Variants in DCC observed in about 807,000 individuals in gnomAD.
DCC encodes netrin receptor DCC.
Under a neutral mutation model 172.5 loss-of-function variants are expected in DCC, and 58 were observed. The observed-to-expected ratio is 0.34, with a 90% CI of 0.27 to 0.42. DCC has a LOEUF of 0.42. DCC is among the 10% of genes least tolerant of loss of function. The pLI, the probability that DCC is intolerant of heterozygous loss-of-function variation, is 1.00. For synonymous variants in DCC, 709 were observed against 644.5 expected (o/e 1.10, Z -1.52); for missense variants, 1,740 against 1,791.0 (o/e 0.97, Z 0.51).
chr18:52,345,156 T>C (rs1386408510), intron 1 of DCC, among the ~76,000 whole-genome samples: 1 of 152,238 alleles, frequency 6.6e-6, no homozygotes, highest in African/African-American at 2.4e-5. Context: ...GATGATAATC[T>C]CTTAGATGAA....
At chr18:53,167,945 G>C (rs1469554282) in intron 8 of DCC, among the ~76,000 whole-genome samples, 1 of 152,078 alleles carries the variant, frequency 6.6e-6, no homozygotes, top group African/African-American at 2.4e-5. Context: ...TGTGAGTCAG[G>C]AGAAGGTAAC....
chr18:52,968,456 A>C (rs561317840), intron 5 of DCC, among the ~76,000 whole-genome samples: 105 of 152,244 alleles, frequency 6.9e-4, no homozygotes, highest in African/African-American at 2.4e-3. Flanking sequence ...TCCCTTATTC[A>C]GCATCCCACC....
At chr18:52,857,253 G>C (rs567099666) in intron 2 of DCC, among the ~76,000 whole-genome samples, 462 of 152,348 alleles carry the variant, frequency 3.0e-3, no homozygotes, top group African/African-American at 0.011. Context: ...CTGCAGACAT[G>C]TTTGGGTAAC....
chr18:52,957,103 G>A (rs1943709445), intron 5 of DCC, among the ~76,000 whole-genome samples: 1 of 152,054 alleles, frequency 6.6e-6, no homozygotes, highest in South Asian at 2.1e-4. Context: ...ACAATCAAAT[G>A]GTGAAGATAT....
chr18:52,415,072 CTT>C (rs1986972620), intron 1 of DCC, among the ~76,000 whole-genome samples: 1 of 152,198 alleles, frequency 6.6e-6, no homozygotes, highest in African/African-American at 2.4e-5. Context: ...CTTTGTATGA[CTT>C]TGCCAGAATG....
At chr18:53,508,041 T>C (rs1456618117) in intron 27 of DCC, among the ~76,000 whole-genome samples, 2 of 151,294 alleles carry the variant, frequency 1.3e-5, no homozygotes, top group African/African-American at 2.4e-5. Context: ...TACAGGTGCC[T>C]GCCACCATGC....
intron 1 of DCC, among the ~76,000 whole-genome samples, chr18:52,455,942 G>T (rs966292646): frequency 1.3e-5 from 2 of 152,084 alleles, no homozygotes; most frequent in African/African-American, 4.8e-5. Context: ...TCTCCATATG[G>T]TGACTTTTGG....
chr18:53,097,440 A>T (rs186886494), intron 7 of DCC, among the ~76,000 whole-genome samples: 117 of 152,318 alleles, frequency 7.7e-4, no homozygotes, highest in African/African-American at 2.7e-3. Flanking sequence ...TAACTTCTAT[A>T]TGCTGGACCT....
At chr18:53,028,041 G>A (rs913140124) in intron 5 of DCC, among the ~76,000 whole-genome samples, 2 of 152,074 alleles carry the variant, frequency 1.3e-5, no homozygotes, top group Admixed American at 6.6e-5. Context: ...AGCAGTAATC[G>A]CATAATGACA....
chr18:53,218,649 T>C (rs1598917004), intron 12 of DCC, among the ~76,000 whole-genome samples: 1 of 152,222 alleles, frequency 6.6e-6, no homozygotes, highest in Non-Finnish European at 1.5e-5. Flanking sequence ...TGAAACTGGG[T>C]CATAGTGAGG....
chr18:52,485,546 G>A (rs780708802), intron 1 of DCC, among the ~76,000 whole-genome samples: 5 of 152,106 alleles, frequency 3.3e-5, no homozygotes, highest in Non-Finnish European at 5.9e-5. Flanking sequence ...CTGTCTGGCT[G>A]TGTACTGGCA....
intron 5 of DCC, among the ~76,000 whole-genome samples, chr18:52,990,234 T>A (rs2041362736): frequency 6.6e-6 from 1 of 151,956 alleles, no homozygotes; most frequent in African/African-American, 2.4e-5. Flanking sequence ...GATAAGATAG[T>A]TAACATTTAA....
chr18:53,375,619 T>A (rs1220821963), intron 15 of DCC, among the ~76,000 whole-genome samples: 2 of 79,418 alleles, frequency 2.5e-5, no homozygotes, highest in Non-Finnish European at 9.0e-5. Flanking sequence ...TTTAATTCTT[T>A]TTTTTTTTTT....
chr18:52,690,036 G>A (rs12958144), intron 1 of DCC, among the ~76,000 whole-genome samples: 11 of 152,266 alleles, frequency 7.2e-5, no homozygotes, highest in Non-Finnish European at 1.6e-4. Context: ...CTGAAGTTGA[G>A]AAGAAGATCC....
intron 5 of DCC, among the ~76,000 whole-genome samples, chr18:52,927,957 C>A (rs2040245308): frequency 1.3e-5 from 2 of 152,032 alleles, no homozygotes; most frequent in South Asian, 4.1e-4. Flanking sequence ...CATAAAGATA[C>A]ATACATGCGT....
intron 2 of DCC, among the ~76,000 whole-genome samples, chr18:52,852,602 TTAAA>T (rs1344373403): frequency 6.6e-6 from 1 of 150,854 alleles, no homozygotes; most frequent in South Asian, 2.1e-4. Flanking sequence ...TCCATGAATG[TTAAA>T]TAGACACTTA....
rs370396691 is a variant in DCC, at chr18:53,486,758, A to C, written c.3737-39A>C. 3 of 1,613,970 alleles carry C rather than the reference A, an allele frequency of 1.9e-6. No individual in the cohort carries two copies. In the African/African-American group the frequency reaches 4.0e-5, roughly 22 times the overall value. On this transcript the variant is annotated intron_variant, in intron 25 of 28. Transcript: ENST00000442544. Reference sequence around the variant, plus strand: ...TCTTTTTTGCTTGTTGAGTGAATACATAAGGTTCAAAAAACCCATTAACCT... The same window carrying C: ...TCTTTTTTGCTTGTTGAGTGAATACCTAAGGTTCAAAAAACCCATTAACCT...
At chr18:52,454,514 C>G (rs1024240727) in intron 1 of DCC, among the ~76,000 whole-genome samples, 2 of 151,926 alleles carry the variant, frequency 1.3e-5, no homozygotes, top group Non-Finnish European at 2.9e-5. Context: ...TGATCACTAC[C>G]AGAAATAATT....
At chr18:52,967,719 AAT>A (rs2040958594) in intron 5 of DCC, among the ~76,000 whole-genome samples, 1 of 152,102 alleles carries the variant, frequency 6.6e-6, no homozygotes, top group Non-Finnish European at 1.5e-5. Flanking sequence ...TTTCACATTC[AAT>A]ATGTTTGCCT....
Sources: gnomAD v4.1 joint callset for allele counts (sites outside exome capture counted in the v4.1 genomes callset) on GRCh38, gnomAD v4.1.1 for gene constraint, MANE v1.5 for transcripts, NCBI Gene and HGNC (gene_info 2026-07-23, HGNC 2026-07-21) for gene names.